SHANK2: variants seen among roughly 807,000 people sequenced by gnomAD.
The protein encoded by SHANK2 is SH3 and multiple ankyrin repeat domains 2.
In SHANK2, 43 loss-of-function variants were observed where a neutral mutation model predicts 133.7. That is an observed-to-expected ratio of 0.32 (90% CI 0.25 to 0.41). The LOEUF (loss-of-function observed/expected upper bound fraction) is 0.41, where lower values mean the gene tolerates loss of function less well. SHANK2 is among the 10% of genes least tolerant of loss of function. SHANK2 has a pLI of 1.00. For missense variants in SHANK2, 1,994 were observed against 2,235.8 expected, an observed-to-expected ratio of 0.89 and a Z score of 2.18; for synonymous variants, 1,017 against 952.8, an observed-to-expected ratio of 1.07 and a Z score of -1.24.
intron 11 of SHANK2, among the ~76,000 whole-genome samples, chr11:70,885,357 G>A (rs1461669331): frequency 6.6e-6 from 1 of 152,234 alleles, no homozygotes; most frequent in Non-Finnish European, 1.5e-5. Flanking sequence ...CTCAGGTTTG[G>A]GGAAGAGTTC....
intron 25 of SHANK2, among the ~76,000 whole-genome samples, chr11:70,481,467 G>A (rs1387491265): frequency 3.3e-5 from 5 of 152,206 alleles, no homozygotes; most frequent in African/African-American, 7.2e-5. Context: ...AGAATCCAAG[G>A]ATGAGAGGAA....
At chr11:70,532,446 C>T (rs1052048724) in intron 17 of SHANK2, among the ~76,000 whole-genome samples, 18 of 152,084 alleles carry the variant, frequency 1.2e-4, no homozygotes, top group Non-Finnish European at 1.9e-4. Context: ...CAGAGGTGGC[C>T]CATCAGCAAA....
chr11:71,086,793 G>A (rs1008256010), intron 8 of SHANK2, among the ~76,000 whole-genome samples: 4 of 152,192 alleles, frequency 2.6e-5, no homozygotes, highest in East Asian at 1.9e-4. Context: ...CTGCAGGCCC[G>A]TGCAGGGCAC....
At chr11:71,123,314 G>T (rs1437458775) in intron 3 of SHANK2, among the ~76,000 whole-genome samples, 6 of 152,166 alleles carry the variant, frequency 3.9e-5, no homozygotes, top group Admixed American at 3.9e-4. Context: ...ATTTGTAGTG[G>T]GGAAAAACAC....
intron 14 of SHANK2, among the ~76,000 whole-genome samples, chr11:70,720,247 G>A (rs1206777652): frequency 2.0e-5 from 3 of 152,180 alleles, no homozygotes; most frequent in East Asian, 3.9e-4. Flanking sequence ...TGTACAAAGT[G>A]CCACGGTCAT....
intron 8 of SHANK2, among the ~76,000 whole-genome samples, chr11:71,079,126 G>A (rs1490335832): frequency 1.3e-5 from 2 of 152,234 alleles, no homozygotes; most frequent in East Asian, 1.9e-4. Flanking sequence ...TCCCCGTGAA[G>A]GTGTGATGCT....
At position 70,473,563 on chromosome 11, in the gene SHANK2, C is replaced by A; in HGVS notation, c.4980-124G>T. The A allele has an allele frequency of 1.1e-6, 1 of 923,080 alleles. No individual in the cohort carries two copies. The highest frequency in any genetic ancestry group is 1.7e-6 in the Non-Finnish European group (1 of 584,756). The allele number at this position is 923,080 out of a possible 1,614,324, so 57.2% of individuals were successfully genotyped here. On this transcript the variant is annotated intron_variant, in intron 25 of 25. Coordinates refer to ENST00000601538, the MANE Select transcript of SHANK2 (RefSeq NM_012309.5). The surrounding 1 kb of genome is among the most constrained non-coding windows in gnomAD (Gnocchi z 5.9). The stretch of plus-strand genomic sequence containing the variant: ...ATGCCAGAGTGTCTAGTGGCAGATC[C>A]ACTGGCAGTGAACGAATGATTTGCC...
chr11:70,892,707 G>A (rs1555074939), intron 11 of SHANK2, among the ~76,000 whole-genome samples: 1 of 152,072 alleles, frequency 6.6e-6, no homozygotes, highest in Non-Finnish European at 1.5e-5. Context: ...GGCACTCACT[G>A]TTCCCAGGTA....
chr11:70,891,184 G>C (rs1273250144), intron 11 of SHANK2, among the ~76,000 whole-genome samples: 1 of 152,116 alleles, frequency 6.6e-6, no homozygotes. Context: ...ATATCGTCCT[G>C]CTCAGTTGGT....
intron 21 of SHANK2, among the ~76,000 whole-genome samples, chr11:70,495,330 T>C (rs1306552760): frequency 3.3e-5 from 5 of 152,166 alleles, no homozygotes; most frequent in Non-Finnish European, 7.4e-5. Flanking sequence ...TGGGGTCGAA[T>C]TGGTTTCTGT....
chr11:71,230,296 A>G (rs1954721284), intron 1 of SHANK2, among the ~76,000 whole-genome samples: 1 of 152,104 alleles, frequency 6.6e-6, no homozygotes, highest in Non-Finnish European at 1.5e-5. Flanking sequence ...TCTGCCTTAA[A>G]AAAAGCTGAG....
At chr11:70,805,545 T>C (rs1157899491) in intron 13 of SHANK2, among the ~76,000 whole-genome samples, 2 of 152,036 alleles carry the variant, frequency 1.3e-5, no homozygotes, top group African/African-American at 2.4e-5. Flanking sequence ...CTGGCCTCAG[T>C]GGGGAGGAGG....
chr11:70,701,401 G>C (rs12280912), intron 14 of SHANK2, among the ~76,000 whole-genome samples: 30,080 of 151,976 alleles, frequency 0.2, 6,061 homozygotes, highest in African/African-American at 0.52. Flanking sequence ...TAAGAAAAAG[G>C]AATCTTTTTT....
intron 2 of SHANK2, among the ~76,000 whole-genome samples, chr11:71,210,253 T>TA (rs1555118720): frequency 2.3e-3 from 228 of 98,470 alleles, no homozygotes; most frequent in South Asian, 4.6e-3. Flanking sequence ...TATATATATA[T>TA]TTATTTATTT....
At chr11:70,826,633 C>A in intron 11 of SHANK2, 1 of 448,112 alleles carries the variant, frequency 2.2e-6, no homozygotes, top group Non-Finnish European at 4.6e-6. Flanking sequence ...GGTGTCTGGG[C>A]ACGGTGCACT....
At chr11:70,644,332 T>C (rs906749668) in intron 17 of SHANK2, among the ~76,000 whole-genome samples, 51 of 150,728 alleles carry the variant, frequency 3.4e-4, no homozygotes, top group African/African-American at 1.2e-3. Flanking sequence ...CCCCATCCCC[T>C]TCCCCAGCCC....
At chr11:70,811,241 T>C (rs1192291910) in intron 12 of SHANK2, among the ~76,000 whole-genome samples, 1 of 151,620 alleles carries the variant, frequency 6.6e-6, no homozygotes, top group African/African-American at 2.4e-5. Flanking sequence ...AGAGCAGGAG[T>C]CACAGGGTCT....
intron 10 of SHANK2, among the ~76,000 whole-genome samples, chr11:70,937,553 A>G (rs746913211): frequency 3.1e-4 from 47 of 152,244 alleles, no homozygotes; most frequent in Non-Finnish European, 6.2e-4. Context: ...GAGTACCCAG[A>G]GGGCCTGGCC....
chr11:70,832,331 A>G (rs948184486), intron 11 of SHANK2, among the ~76,000 whole-genome samples: 24 of 152,202 alleles, frequency 1.6e-4, no homozygotes, highest in African/African-American at 4.6e-4. Flanking sequence ...GTCCTGGTCT[A>G]TTGCTCACGA....
Sources: allele counts gnomAD v4.1 joint callset (sites outside exome capture counted in the v4.1 genomes callset), GRCh38; gene constraint gnomAD v4.1.1; non-coding constraint Gnocchi (gnomAD v3.1); transcripts MANE v1.5; gene names NCBI Gene and HGNC (gene_info 2026-07-23, HGNC 2026-07-21).